The following SCAI variants were observed in gnomAD, a reference collection of about 807,000 sequenced individuals.
The protein encoded by SCAI is protein SCAI.
Under a neutral mutation model 92.2 loss-of-function variants are expected in SCAI, and 24 were observed. That is an observed-to-expected ratio of 0.26 (90% confidence interval 0.19 to 0.37). SCAI has a LOEUF of 0.37. SCAI is among the 10% of genes least tolerant of loss of function. The pLI is 1.00. For missense variants in SCAI, 450 were observed against 736.2 expected, an observed-to-expected ratio of 0.61 and a Z score of 4.50; for synonymous variants, 261 against 258.6, an observed-to-expected ratio of 1.01 and a Z score of -0.09.
chr9:125,139,669 T>C lies in SCAI; in HGVS notation c.98+2964A>G, dbSNP rs577795937. 2.0e-5 allele frequency among the ~76,000 whole-genome samples: 3 copies of C among 152,316 alleles called. No homozygotes were observed. The East Asian group carries it at 5.8e-4, about 29-fold the overall frequency. ...AATAAAGGCAATTTTTTTATATGAT[T>C]AGGCTAAAAGTCTGAATGATGTTCA... On this transcript the variant is annotated intron_variant, in intron 2 of 17. Transcript: ENST00000336505.
intron 9 of SCAI, among the ~76,000 whole-genome samples, chr9:125,016,704 G>A (rs1377315652): frequency 6.6e-6 from 1 of 151,912 alleles, no homozygotes; most frequent in African/African-American, 2.4e-5. Flanking sequence ...AATGGTGCTA[G>A]GTCTACTGGA....
intron 3 of SCAI, among the ~76,000 whole-genome samples, chr9:125,037,193 T>G (rs1833214909): frequency 6.6e-6 from 1 of 151,330 alleles, no homozygotes; most frequent in Admixed American, 6.6e-5. Context: ...TGCTTGAAAC[T>G]GGGAGGCAAA....
At chr9:124,976,092 A>C (rs766531877) in intron 15 of SCAI, 22 bp downstream of exon 15, 1 of 1,517,096 alleles carries the variant, frequency 6.6e-7, no homozygotes, top group East Asian at 2.3e-5. Flanking sequence ...CTATGGCTAT[A>C]CCAGGCAATG....
At chr9:124,995,081 G>C in intron 13 of SCAI, 66 bp from the exon 14 acceptor site, 1 of 1,231,732 alleles carries the variant, frequency 8.1e-7, no homozygotes, top group Non-Finnish European at 1.2e-6. Flanking sequence ...TTATTCTTCA[G>C]TTTGGTCTGC....
chr9:125,100,033 A>G (rs1834646433), intron 2 of SCAI, among the ~76,000 whole-genome samples: 1 of 152,220 alleles, frequency 6.6e-6, no homozygotes, highest in Admixed American at 6.5e-5. Context: ...CCTGCTTTCA[A>G]TTTATCTGGG....
At chr9:125,006,881 G>C (rs1365887656) in intron 9 of SCAI, among the ~76,000 whole-genome samples, 1 of 152,162 alleles carries the variant, frequency 6.6e-6, no homozygotes, top group Non-Finnish European at 1.5e-5. Context: ...CACTTTGGGA[G>C]ACTGAGGCAG....
chr9:124,984,640 T>C (rs1385235247), intron 14 of SCAI, among the ~76,000 whole-genome samples: 5 of 152,202 alleles, frequency 3.3e-5, no homozygotes, highest in Admixed American at 1.3e-4. Flanking sequence ...ATAGTAGCCA[T>C]GAACTAAAAT....
chr9:125,106,134 T>A (rs868553606), intron 2 of SCAI, among the ~76,000 whole-genome samples: 167 of 90,296 alleles, frequency 1.8e-3, no homozygotes, highest in Middle Eastern at 5.5e-3. Flanking sequence ...TATATATATA[T>A]ATATATATAT....
At chr9:124,985,028 A>T (rs891649118) in intron 14 of SCAI, among the ~76,000 whole-genome samples, 2 of 152,210 alleles carry the variant, frequency 1.3e-5, no homozygotes, top group Non-Finnish European at 2.9e-5. Flanking sequence ...AAAAGGGGAC[A>T]AATGTCACAG....
intron 2 of SCAI, among the ~76,000 whole-genome samples, chr9:125,060,379 C>T (rs1272521001): frequency 6.6e-6 from 1 of 151,998 alleles, no homozygotes; most frequent in Non-Finnish European, 1.5e-5. Flanking sequence ...GGAGATAATT[C>T]TCAGCAGACA....
chr9:125,014,982 T>C (rs1443824521), intron 9 of SCAI, among the ~76,000 whole-genome samples: 2 of 152,106 alleles, frequency 1.3e-5, no homozygotes, highest in Non-Finnish European at 2.9e-5. Context: ...TAGCCATATG[T>C]AGAAAGCTGA....
At chr9:125,007,733 C>T (rs1269083989) in intron 9 of SCAI, among the ~76,000 whole-genome samples, 1 of 151,950 alleles carries the variant, frequency 6.6e-6, no homozygotes, top group Non-Finnish European at 1.5e-5. Flanking sequence ...TCATGGCTCA[C>T]TGCAGCCTTG....
At chr9:124,995,070 C>G in intron 13 of SCAI, 55 bp from the exon 14 acceptor site, 1 of 1,351,296 alleles carries the variant, frequency 7.4e-7, no homozygotes, top group Non-Finnish European at 1.0e-6. Context: ...TCTCAGAAAT[C>G]TTATTCTTCA....
At chr9:125,012,844 G>T (rs961153708) in intron 9 of SCAI, among the ~76,000 whole-genome samples, 8 of 152,126 alleles carry the variant, frequency 5.3e-5, no homozygotes, top group Admixed American at 4.6e-4. Context: ...AGACCACAGT[G>T]CAATCAAACT....
At chr9:125,109,844 GC>G (rs1468232234) in intron 2 of SCAI, among the ~76,000 whole-genome samples, 1 of 152,030 alleles carries the variant, frequency 6.6e-6, no homozygotes, top group Non-Finnish European at 1.5e-5. Flanking sequence ...GCACCACCAC[GC>G]CCAGCTAATT....
At chr9:125,133,924 C>T (rs968832236) in intron 2 of SCAI, among the ~76,000 whole-genome samples, 7 of 152,182 alleles carry the variant, frequency 4.6e-5, no homozygotes, top group Non-Finnish European at 1.0e-4. Context: ...CTGGCCTCTA[C>T]TCACTAGGTG....
chr9:125,131,516 C>T (rs1298008507), intron 2 of SCAI, among the ~76,000 whole-genome samples: 1 of 152,170 alleles, frequency 6.6e-6, no homozygotes, highest in African/African-American at 2.4e-5. Flanking sequence ...GCACTCTACC[C>T]TCCAGGAAGC....
intron 2 of SCAI, among the ~76,000 whole-genome samples, chr9:125,086,952 T>C (rs1188857142): frequency 6.6e-6 from 1 of 152,196 alleles, no homozygotes; most frequent in African/African-American, 2.4e-5. Flanking sequence ...ATACATTAAA[T>C]GTTATGTAAG....
At chr9:125,033,067 C>T (rs1833114967) in intron 3 of SCAI, among the ~76,000 whole-genome samples, 1 of 150,514 alleles carries the variant, frequency 6.6e-6, no homozygotes, top group Non-Finnish European at 1.5e-5. Flanking sequence ...TACTAAATTA[C>T]ATGACACTGA....
Sources: gnomAD v4.1 joint callset for allele counts (sites outside exome capture counted in the v4.1 genomes callset) on GRCh38, gnomAD v4.1.1 for gene constraint, MANE v1.5 for transcripts, NCBI Gene and HGNC (gene_info 2026-07-23, HGNC 2026-07-21) for gene names.